The following MYBBP1A variants were observed in gnomAD, a reference collection of about 807,000 sequenced individuals.
MYBBP1A encodes MYB binding protein 1a, also known as myb-binding protein 1A.
In MYBBP1A, 147 loss-of-function variants were observed where a neutral mutation model predicts 136.3. The ratio of observed to expected loss-of-function variants is 1.08; its 90% CI spans 0.94 to 1.24. The LOEUF is 1.24. Among genes scored for constraint, MYBBP1A ranks in the 50% most tolerant of loss-of-function variants. MYBBP1A has a pLI of 0.00. For synonymous variants in MYBBP1A, 947 were observed against 735.8 expected, an observed-to-expected ratio of 1.29 and a Z score of -4.65; for missense variants, 2,060 against 1,727.4, an observed-to-expected ratio of 1.19 and a Z score of -3.41.
chr17:4,541,830 G>T lies in MYBBP1A; in HGVS notation c.3149C>A (p.Pro1050His). 6.2e-7 allele frequency: 1 copy of T among 1,614,094 alleles called. No homozygotes were observed. The highest frequency in any genetic ancestry group is 8.5e-7 in the Non-Finnish European group (1 of 1,180,030). Residue 1050 changes from proline to histidine, a missense_variant, in exon 23 of 26, where the codon CCC (proline) becomes CAC (histidine). By Grantham distance (77) the Pro-to-His change is moderately conservative. Transcript: ENST00000254718. Reference sequence around the variant, plus strand: ...CTGGCCCATCAGCTGCTTCCACTCGGGGTCCTCAAAGCACGACCTCACCTC... The same window carrying T: ...CTGGCCCATCAGCTGCTTCCACTCGTGGTCCTCAAAGCACGACCTCACCTC... ...MREVRSCFED[P>H]EWKQLMGQVL...
In MYBBP1A at chr17:4,553,987, C is replaced by T. The variant is rs778134463; in HGVS notation, c.453+32G>A. 7.4e-6 allele frequency: 12 copies of T among 1,613,878 alleles called. No individual in the cohort carries two copies. The Admixed American group carries it at 1.7e-4, about 22-fold the overall frequency. On this transcript the variant is annotated intron_variant, in intron 4 of 25. Coordinates refer to ENST00000254718, the MANE Select transcript of MYBBP1A (RefSeq NM_014520.4). ...TGTCCCCCACCCATCCCAAGCCAGC[C>T]TACATTCCCCCAGTCCCTCCAAAGC...
At position 4,554,063 on chromosome 17, in the gene MYBBP1A, G is replaced by C. The variant is rs779453866; in HGVS notation, c.409C>G (p.Leu137Val). The C allele has an allele frequency of 8.1e-6, 13 of 1,614,010 alleles. 1 individual carries two copies. In the South Asian group the frequency reaches 1.2e-4, roughly 15 times the overall value. ...TGAAAGAGGGCGAGCACTCCAAACA[G>C]GTTTGCAAAGAGAGCAGGTCTCAGC... ...AMLRPALFAN[L>V]FGVLALFQSG... The change falls in exon 4 of 26, where the codon CTG becomes GTG. Residue 137 changes from leucine to valine, a missense_variant. Physicochemically the swap from Leu to Val is conservative, Grantham distance 32. Transcript: ENST00000254718.
intron 9 of MYBBP1A, 59 bp from the exon 10 acceptor site, chr17:4,549,501 G>T (rs547572996): frequency 6.7e-7 from 1 of 1,485,030 alleles, no homozygotes; most frequent in East Asian, 2.3e-5. Context: ...AACAGGCTGG[G>T]CCCAGTGGCT....
At chr17:4,550,027 A>T (rs1907362660) in intron 9 of MYBBP1A, 31 bp downstream of exon 9, 1 of 1,580,124 alleles carries the variant, frequency 6.3e-7, no homozygotes, top group Non-Finnish European at 8.6e-7. Context: ...TTAACTCCTA[A>T]ATTAGGTGTC....
chr17:4,548,728 G>A lies in MYBBP1A; in HGVS notation c.1431-79C>T, dbSNP rs1041417775. 32 of 1,580,080 alleles carry A rather than the reference G, an allele frequency of 2.0e-5. No homozygotes were observed. In the South Asian group the frequency reaches 2.1e-4, roughly 10 times the overall value. ...GCTCCCCTCCTTGGATGGTACCACC[G>A]AGGGTACAAGGCCAGGAGGAGGAGG... is the stretch of plus-strand genomic sequence containing the variant. On this transcript the variant is annotated intron_variant, in intron 10 of 25. Coordinates refer to ENST00000254718, the MANE Select transcript of MYBBP1A (RefSeq NM_014520.4). The surrounding 1 kb of genome is among the most constrained non-coding windows in gnomAD (Gnocchi z 4.2).
chr17:4,544,023 C>G (rs555423679), intron 19 of MYBBP1A, among the ~76,000 whole-genome samples: 1 of 152,338 alleles, frequency 6.6e-6, no homozygotes, highest in South Asian at 2.1e-4. Flanking sequence ...CAGCTCCCGT[C>G]AGGATGCTCT....
At chr17:4,541,627 G>C in intron 23 of MYBBP1A, 63 bp from the exon 24 acceptor site, 1 of 1,561,560 alleles carries the variant, frequency 6.4e-7, no homozygotes, top group East Asian at 2.2e-5. Context: ...CTGTTTCCCA[G>C]CCGGAAGTAA....
chr17:4,544,682 G>A (rs1181504058), intron 18 of MYBBP1A, 36 bp from the exon 19 acceptor site: 1 of 1,454,720 alleles, frequency 6.9e-7, no homozygotes, highest in Non-Finnish European at 9.2e-7. Context: ...ACACGGGGGT[G>A]GGCGCACAGG....
intron 10 of MYBBP1A, among the ~76,000 whole-genome samples, 189 bp downstream of exon 10, chr17:4,549,143 T>G (rs367750371): frequency 6.6e-6 from 1 of 152,220 alleles, no homozygotes; most frequent in African/African-American, 2.4e-5. Flanking sequence ...CCCCTGCAGC[T>G]GGGGTGCCTC....
chr17:4,551,450 T>C (rs1356846216), intron 8 of MYBBP1A, among the ~76,000 whole-genome samples: 1 of 152,262 alleles, frequency 6.6e-6, no homozygotes, highest in African/African-American at 2.4e-5. Flanking sequence ...GGCTCACGTC[T>C]GTAATCCCAG....
At chr17:4,541,025 G>A (rs536091826) in intron 24 of MYBBP1A, among the ~76,000 whole-genome samples, 2 of 151,318 alleles carry the variant, frequency 1.3e-5, no homozygotes, top group Non-Finnish European at 3.0e-5. Context: ...CCCAAACCCC[G>A]CCCTCTGGGC....
At position 4,541,572 on chromosome 17, in the gene MYBBP1A, A is replaced by C; in HGVS notation, c.3196-8T>G. 6.2e-7 allele frequency: 1 copy of C among 1,610,952 alleles called. No homozygotes were observed. On this transcript the variant is annotated splice_polypyrimidine_tract_variant and splice_region_variant and intron_variant, in intron 23 of 25. Coordinates refer to ENST00000254718, the MANE Select transcript of MYBBP1A (RefSeq NM_014520.4). ...CCCCAGCACGCGCAAGTTCTAGGGA[A>C]GGGTGGCCAGGCTGAGGCACTCCGG...
Position 4,540,353 on chromosome 17 carries a change from T to G in MYBBP1A, c.3429A>C (p.Gly1143=). ...DLYWQAMKTL[G]VQRPKLEKKD... is the part of the protein sequence containing the mutation. ...GTCCCCCTCCCAGAACCTACTGGACTCCCAGGGTTTTCATGGCCTGCCAGT... is the reference window on the plus strand; with the variant it reads ...GTCCCCCTCCCAGAACCTACTGGACGCCCAGGGTTTTCATGGCCTGCCAGT... Residue 1143 remains glycine (G), a synonymous_variant, in exon 25 of 26, where the codon GGA becomes GGC. Transcript: ENST00000254718. The G allele has an allele frequency of 6.2e-7, 1 of 1,606,424 alleles. No homozygotes were observed. Among genetic ancestry groups the G allele is most frequent in the Admixed American group, 1.7e-5 (1 of 59,878 alleles).
chr17:4,544,986 G>GCCCAGCCCCCCCCCCCCC, intron 17 of MYBBP1A, 40 bp downstream of exon 17: 1 of 1,464,164 alleles, frequency 6.8e-7, no homozygotes, highest in Non-Finnish European at 9.1e-7. Flanking sequence ...GGACACCCGA[G>GCCCAGCCCCCCCCCCCCC]CCCTCCCCGG....
rs1392001552 is a variant in MYBBP1A, at chr17:4,552,844, T to C, written c.562-218A>G. 6.6e-6 allele frequency among the ~76,000 whole-genome samples: 1 copy of C among 151,842 alleles called. No homozygotes were observed. Among genetic ancestry groups the C allele is most frequent in the East Asian group, 1.9e-4 (1 of 5,190 alleles). Reference sequence around the variant, plus strand: ...GGTACCTGCCCCCCACCCCTTATTTTTTTTTTTTAAGACAGAGTCTCACTT... The same window carrying C: ...GGTACCTGCCCCCCACCCCTTATTTCTTTTTTTTAAGACAGAGTCTCACTT... On this transcript the variant is annotated intron_variant, in intron 5 of 25. Transcript: ENST00000254718. The surrounding 1 kb of genome is among the most constrained non-coding windows in gnomAD (Gnocchi z 4.7).
chr17:4,539,155 A>G lies in MYBBP1A; in HGVS notation c.*260T>C. ...CTGCACCAACCCAGGCAAACACCAGAGCCCTGGACATGGCCCTGGAGCCAG... is the reference window on the plus strand; with the variant it reads ...CTGCACCAACCCAGGCAAACACCAGGGCCCTGGACATGGCCCTGGAGCCAG... On this transcript the variant is annotated 3_prime_UTR_variant, in exon 26 of 26. Transcript: ENST00000254718. 2 of 1,465,916 alleles carry G rather than the reference A, an allele frequency of 1.4e-6. No homozygotes were observed. The highest frequency in any genetic ancestry group is 1.8e-6 in the Non-Finnish European group (2 of 1,118,390). 90.8% of individuals were successfully genotyped at this position (1,465,916 alleles called of 1,614,324 possible).
intron 1 of MYBBP1A, 44 bp from the exon 2 acceptor site, chr17:4,555,000 G>A (rs1907900178): frequency 6.2e-7 from 1 of 1,608,236 alleles, no homozygotes; most frequent in South Asian, 1.1e-5. Context: ...TGACAACAAG[G>A]TGCACGCCCC....
At chr17:4,545,462 G>C (rs76924683) in intron 15 of MYBBP1A, 117 bp from the exon 16 acceptor site, 5 of 1,498,522 alleles carry the variant, frequency 3.3e-6, no homozygotes, top group Non-Finnish European at 4.5e-6. Context: ...TAGGAGAGGC[G>C]GCCAGGCCAG....
intron 24 of MYBBP1A, among the ~76,000 whole-genome samples, chr17:4,541,035 C>T (rs1906369798): frequency 6.6e-6 from 1 of 151,700 alleles, no homozygotes; most frequent in Non-Finnish European, 1.5e-5. Context: ...GCCCTCTGGG[C>T]CAGACCGGGG....
Sources: gnomAD v4.1 joint callset for allele counts (sites outside exome capture counted in the v4.1 genomes callset) on GRCh38, gnomAD v4.1.1 for gene constraint, Gnocchi (gnomAD v3.1) non-coding constraint, MANE v1.5 for transcripts, NCBI Gene and HGNC (gene_info 2026-07-23, HGNC 2026-07-21) for gene names.